The following TRIM2 variants were observed in gnomAD, a reference collection of about 807,000 sequenced individuals.
TRIM2 encodes tripartite motif containing 2.
A neutral mutation model predicts 75.2 loss-of-function variants in TRIM2; 20 were observed. The observed-to-expected ratio is 0.27, with a 90% CI of 0.19 to 0.39. The LOEUF (loss-of-function observed/expected upper bound fraction) is 0.39. Ranked by LOEUF, TRIM2 falls within the 10% of genes least tolerant of loss-of-function variation. TRIM2 has a pLI of 1.00. For missense variants in TRIM2, 660 were observed against 990.8 expected (o/e 0.67, Z 4.48); for synonymous variants, 373 against 388.3 (o/e 0.96, Z 0.46).
intron 1 of TRIM2, among the ~76,000 whole-genome samples, chr4:153,223,330 A>C (rs1021936609): frequency 6.6e-5 from 10 of 152,108 alleles, no homozygotes; most frequent in Admixed American, 2.6e-4. Flanking sequence ...GATAGCTTTC[A>C]AAGTCATTTT....
At position 153,264,652 on chromosome 4, in the gene TRIM2, C is replaced by T. The variant is rs368155022; in HGVS notation, c.31-5683C>T. 7.4e-4 allele frequency among the ~76,000 whole-genome samples: 112 copies of T among 152,250 alleles called. 1 individual carries two copies. Among genetic ancestry groups the T allele is most frequent in the African/African-American group, 2.2e-3 (91 of 41,544 alleles). ...GTGCCCCAACGCTTTGATTGAAGGC[C>T]GTTGTATATTGAGTGTATTCCTCAT... On this transcript the variant is annotated intron_variant, in intron 1 of 11. Coordinates refer to ENST00000338700, the MANE Select transcript of TRIM2 (RefSeq NM_015271.5).
chr4:153,224,274 G>C (rs1741519280), intron 1 of TRIM2, among the ~76,000 whole-genome samples: 1 of 152,086 alleles, frequency 6.6e-6, no homozygotes, highest in African/African-American at 2.4e-5. Context: ...TTCCAACTTA[G>C]GTTCATATAA....
chr4:153,186,528 A>G (rs10003823), intron 1 of TRIM2, among the ~76,000 whole-genome samples: 38,380 of 152,082 alleles, frequency 0.25, 5,586 homozygotes, highest in African/African-American at 0.4. Context: ...GCCTCGTTCT[A>G]GTGCTTTGTC....
intron 6 of TRIM2, among the ~76,000 whole-genome samples, chr4:153,298,967 G>A (rs1763306797): frequency 6.6e-6 from 1 of 151,940 alleles, no homozygotes; most frequent in Admixed American, 6.6e-5. Context: ...TCAAACTCCT[G>A]GACTCAAACA....
chr4:153,331,338 AAAAAATTATATTTTTAT>A (rs1284086530), intron 11 of TRIM2, among the ~76,000 whole-genome samples: 1 of 152,220 alleles, frequency 6.6e-6, no homozygotes, highest in Non-Finnish European at 1.5e-5. Flanking sequence ...AAAAAACAAA[AAAAAATTATATTTTTAT>A]AAACTAGCAA....
At chr4:153,199,005 C>T (rs557500335) in intron 1 of TRIM2, among the ~76,000 whole-genome samples, 8 of 152,194 alleles carry the variant, frequency 5.3e-5, no homozygotes, top group Non-Finnish European at 1.0e-4. Flanking sequence ...GTAGTGATGT[C>T]ATCTCTCCAT....
intron 1 of TRIM2, among the ~76,000 whole-genome samples, chr4:153,253,028 C>A (rs976169297): frequency 1.3e-5 from 2 of 152,180 alleles, no homozygotes; most frequent in African/African-American, 2.4e-5. Context: ...AAAGATGGAA[C>A]CTTCAACAGT....
At chr4:153,270,845 G>A (rs1377872298) in intron 2 of TRIM2, among the ~76,000 whole-genome samples, 1 of 152,076 alleles carries the variant, frequency 6.6e-6, no homozygotes, top group Non-Finnish European at 1.5e-5. Flanking sequence ...TCCCTACAGA[G>A]GGTCTTTCAG....
intron 1 of TRIM2, among the ~76,000 whole-genome samples, chr4:153,241,661 C>A (rs1294388181): frequency 6.6e-6 from 1 of 152,152 alleles, no homozygotes; most frequent in African/African-American, 2.4e-5. Context: ...GGAGCGGGAA[C>A]CTTGCATTAA....
At position 153,273,425 on chromosome 4, in the gene TRIM2, G is replaced by A. The variant is rs369638385; in HGVS notation, c.216-2468G>A. Among the ~76,000 whole-genome samples, 12 of 143,394 alleles carry A rather than the reference G, an allele frequency of 8.4e-5. No homozygotes were observed. In the South Asian group the frequency reaches 1.1e-3, roughly 13 times the overall value. The allele number at this position is 143,394 out of a possible 152,430, so 94.1% of individuals were successfully genotyped here. A position where few individuals can be genotyped will look rare whatever the true frequency, so the allele number is the denominator to read the frequency against. On this transcript the variant is annotated intron_variant, in intron 2 of 11. Transcript: ENST00000338700. Reference sequence around the variant, plus strand: ...CGAGTAGCTGGGACTACAGGCGCCCGCCACCACGCCCGGCTAATTTTTTTT... The same window carrying A: ...CGAGTAGCTGGGACTACAGGCGCCCACCACCACGCCCGGCTAATTTTTTTT...
intron 1 of TRIM2, among the ~76,000 whole-genome samples, chr4:153,206,554 A>G (rs1446098530): frequency 2.0e-5 from 3 of 152,092 alleles, no homozygotes. Flanking sequence ...CAGCGTCTCC[A>G]TGTGTTCAGC....
chr4:153,236,698 T>C (rs1017003818), intron 1 of TRIM2, among the ~76,000 whole-genome samples: 1 of 151,970 alleles, frequency 6.6e-6, no homozygotes, highest in African/African-American at 2.4e-5. Flanking sequence ...TCCTTTCTTT[T>C]CTTTTCTCTT....
intron 2 of TRIM2, among the ~76,000 whole-genome samples, chr4:153,274,161 G>A (rs1757512531): frequency 6.6e-6 from 1 of 152,234 alleles, no homozygotes. Flanking sequence ...CTCAGATGGT[G>A]TGGGAGGGAG....
At chr4:153,222,031 A>G (rs57626305) in intron 1 of TRIM2, among the ~76,000 whole-genome samples, 1 of 104,268 alleles carries the variant, frequency 9.6e-6, no homozygotes, top group African/African-American at 3.5e-5. Context: ...GCAAGGAAGG[A>G]AGGAAAGAGC....
chr4:153,273,525 C>T (rs982048234), intron 2 of TRIM2, among the ~76,000 whole-genome samples: 32 of 149,064 alleles, frequency 2.1e-4, no homozygotes, highest in African/African-American at 7.5e-4. Context: ...GATCTCCTGC[C>T]CTCGTGATCC....
rs565511112 is a variant in TRIM2 at position 153,243,968 on chromosome 4, G to A, written c.31-26367G>A. Reference sequence around the variant, plus strand: ...CAAGTAGCTGGGACCACAGGCATGCGCCATCACTTCCTGCTAATTTCTAAA... The same window carrying A: ...CAAGTAGCTGGGACCACAGGCATGCACCATCACTTCCTGCTAATTTCTAAA... On this transcript the variant is annotated intron_variant, in intron 1 of 11. Transcript: ENST00000338700. Among the ~76,000 whole-genome samples, 10 of 151,526 alleles carry A rather than the reference G, an allele frequency of 6.6e-5. No homozygotes were observed. In the South Asian group the frequency reaches 1.0e-3, roughly 16 times the overall value.
At position 153,338,267 on chromosome 4, in the gene TRIM2, A is replaced by T; in HGVS notation, c.*3301A>T. Reference sequence around the variant, plus strand: ...TGGTAATACCTACTTAGTTAATTGGAGGAAGTAGTAAATAAACATTAGGTA... The same window carrying T: ...TGGTAATACCTACTTAGTTAATTGGTGGAAGTAGTAAATAAACATTAGGTA... On this transcript the variant is annotated 3_prime_UTR_variant, in exon 12 of 12. Coordinates refer to ENST00000338700, the MANE Select transcript of TRIM2 (RefSeq NM_015271.5). 2 of 985,864 alleles carry T rather than the reference A, an allele frequency of 2.0e-6. No homozygotes were observed. Among genetic ancestry groups the T allele is most frequent in the Non-Finnish European group, 2.4e-6 (2 of 829,922 alleles). The allele number at this position is 985,864 out of a possible 1,614,324, so 61.1% of individuals were successfully genotyped here.
intron 6 of TRIM2, among the ~76,000 whole-genome samples, chr4:153,311,425 T>G (rs1301830689): frequency 6.6e-6 from 1 of 151,438 alleles, no homozygotes; most frequent in Admixed American, 6.6e-5. Context: ...TCTAGCAGGA[T>G]AGACAAAAGG....
At chr4:153,298,083 G>T (rs559112442) in intron 6 of TRIM2, among the ~76,000 whole-genome samples, 1 of 152,104 alleles carries the variant, frequency 6.6e-6, no homozygotes, top group Non-Finnish European at 1.5e-5. Context: ...GGGACAAGGG[G>T]GTATATCTTC....
Sources: gnomAD v4.1 joint callset for allele counts (sites outside exome capture counted in the v4.1 genomes callset) on GRCh38, gnomAD v4.1.1 for gene constraint, MANE v1.5 for transcripts, NCBI Gene and HGNC (gene_info 2026-07-23, HGNC 2026-07-21) for gene names.